KCNQ3: variants seen among roughly 807,000 people sequenced by gnomAD.
KCNQ3 encodes potassium voltage-gated channel subfamily Q member 3, also known as potassium voltage-gated channel subfamily KQT member 3.
KCNQ3 carries 30 observed loss-of-function variants against 92.5 expected under a neutral mutation model. The observed-to-expected ratio is 0.32, with a 90% CI of 0.24 to 0.44. KCNQ3 has a LOEUF of 0.44. KCNQ3 is among the 20% of genes least tolerant of loss of function. The probability of loss-of-function intolerance (pLI) is 1.00; values close to 1 mark genes in which losing one functional copy is unlikely to be tolerated. For missense variants in KCNQ3, 913 were observed against 1,140.3 expected (o/e 0.80, Z 2.87); for synonymous variants, 450 against 468.8 (o/e 0.96, Z 0.52).
At chr8:132,449,608 C>A (rs1182939665) in intron 1 of KCNQ3, among the ~76,000 whole-genome samples, 4 of 152,200 alleles carry the variant, frequency 2.6e-5, no homozygotes, top group East Asian at 1.9e-4. Context: ...ATTCACCCCC[C>A]ACACCATTGG....
intron 1 of KCNQ3, among the ~76,000 whole-genome samples, chr8:132,378,377 G>A (rs1819664483): frequency 6.6e-6 from 1 of 151,806 alleles, no homozygotes; most frequent in South Asian, 2.1e-4. Flanking sequence ...GGGTGACAGA[G>A]CAAGACTCTC....
rs904364748 is a variant in KCNQ3, at chr8:132,480,188, C to T, written c.345G>A (p.Leu115=). The change falls in exon 1 of 15, where the codon CTG becomes CTA. Residue 115 remains leucine (L), a synonymous_variant. Coordinates refer to ENST00000388996, the MANE Select transcript of KCNQ3 (RefSeq NM_004519.4). ...RRIQTLIYDA[L]ERPRGWALLY... ...GCAGCGCCCAGCCCCGCGGTCTCTC[C>T]AGGGCGTCGTAGATCAAAGTTTGGA... is the stretch of plus-strand genomic sequence containing the variant. The T allele has an allele frequency of 6.2e-7, 1 of 1,613,196 alleles. No homozygotes were observed. The highest frequency in any genetic ancestry group is 1.3e-5 in the African/African-American group (1 of 74,884).
At chr8:132,373,358 A>G (rs368160489) in intron 1 of KCNQ3, among the ~76,000 whole-genome samples, 6 of 152,302 alleles carry the variant, frequency 3.9e-5, no homozygotes, top group African/African-American at 1.4e-4. Context: ...TGAAAATTAC[A>G]TGAGGAGATG....
intron 8 of KCNQ3, among the ~76,000 whole-genome samples, chr8:132,168,820 A>G (rs1434392521): frequency 6.9e-6 from 1 of 143,932 alleles, no homozygotes; most frequent in Non-Finnish European, 1.5e-5. Context: ...AGAGCCCCCT[A>G]TCTAGTAGCA....
chr8:132,140,199 T>C, intron 10 of KCNQ3, 21 bp from the exon 11 acceptor site: 6 of 1,580,152 alleles, frequency 3.8e-6, no homozygotes, highest in Non-Finnish European at 4.3e-6. Flanking sequence ...GACACACATA[T>C]GAACGGCAGG....
intron 1 of KCNQ3, among the ~76,000 whole-genome samples, chr8:132,431,546 C>G (rs1290182946): frequency 2.6e-5 from 4 of 152,178 alleles, no homozygotes; most frequent in African/African-American, 9.7e-5. Context: ...AAGGCAGGGC[C>G]AGCCTCTTCT....
At position 132,444,002 on chromosome 8, in the gene KCNQ3, ATCAGAAACCCAAGAGGTACCGAGAGGT is replaced by A. The variant is rs1415187944; in HGVS notation, c.386+36118_386+36144del. Among the ~76,000 whole-genome samples the A allele has an allele frequency of 5.9e-5, 9 of 152,162 alleles. 1 individual carries two copies. Among genetic ancestry groups the A allele is most frequent in the Admixed American group, 5.9e-4 (9 of 15,270 alleles). ...CAGTTCATTGCCCCCTTTTCTTCTT[ATCAGAAACCCAAGAGGTACCGAGAGGT>A]TCAGAAACTTGCCCACAGTGACACA... On this transcript the variant is annotated intron_variant, in intron 1 of 14. Transcript: ENST00000388996.
intron 1 of KCNQ3, among the ~76,000 whole-genome samples, chr8:132,191,243 C>T (rs1366253782): frequency 6.6e-6 from 1 of 152,094 alleles, no homozygotes; most frequent in African/African-American, 2.4e-5. Flanking sequence ...AACTCCTGGG[C>T]TCAAGTGATC....
intron 1 of KCNQ3, among the ~76,000 whole-genome samples, chr8:132,457,787 T>G (rs1821975393): frequency 6.6e-6 from 1 of 152,220 alleles, no homozygotes; most frequent in Non-Finnish European, 1.5e-5. Flanking sequence ...CATTCTGCTA[T>G]CCTATGGTCA....
At chr8:132,233,580 A>G (rs779002201) in intron 1 of KCNQ3, among the ~76,000 whole-genome samples, 4 of 152,196 alleles carry the variant, frequency 2.6e-5, no homozygotes, top group Non-Finnish European at 5.9e-5. Context: ...AAAAGCATCA[A>G]TGGAAGTTTG....
intron 6 of KCNQ3, among the ~76,000 whole-genome samples, chr8:132,173,310 G>A (rs1437445141): frequency 6.6e-6 from 1 of 151,708 alleles, no homozygotes; most frequent in Non-Finnish European, 1.5e-5. Context: ...AGAAAACTGA[G>A]ATTTAAGAAG....
rs186376981 is a variant in KCNQ3 at position 132,162,520 on chromosome 8, C to T, written c.1262+948G>A. ...CCTTTCACTCTGCCTCTGGGAGCCACGAGCTGCTGAAGATTCTCTAGTGAA... is the reference window on the plus strand; with the variant it reads ...CCTTTCACTCTGCCTCTGGGAGCCATGAGCTGCTGAAGATTCTCTAGTGAA... On this transcript the variant is annotated intron_variant, in intron 9 of 14. Coordinates refer to ENST00000388996, the MANE Select transcript of KCNQ3 (RefSeq NM_004519.4). Among the ~76,000 whole-genome samples, 173 of 152,242 alleles carry T rather than the reference C, an allele frequency of 1.1e-3. 1 individual carries two copies. The highest frequency in any genetic ancestry group is 3.4e-3 in the Middle Eastern group (1 of 294).
At chr8:132,195,217 T>G (rs1288306828) in intron 1 of KCNQ3, among the ~76,000 whole-genome samples, 2 of 152,270 alleles carry the variant, frequency 1.3e-5, no homozygotes, top group Non-Finnish European at 2.9e-5. Context: ...CTATAAACCA[T>G]GTTGGCAAAT....
At position 132,137,887 on chromosome 8, in the gene KCNQ3, C is replaced by A; in HGVS notation, c.1698G>T (p.Thr566=). ...CCCTCCAGATGTGACTGTCTCACCT[C>A]GTCTGAAGGTACTTTATCCTGGAAA... is the stretch of plus-strand genomic sequence containing the variant. ...DMLSRIKYLQ[T]RIDMIFTPGP... The change falls in exon 12 of 15, where the codon ACG becomes ACT. Residue 566 remains threonine (T), a splice_region_variant and synonymous_variant. Coordinates refer to ENST00000388996, the MANE Select transcript of KCNQ3 (RefSeq NM_004519.4). 1 of 1,614,046 alleles carries A rather than the reference C, an allele frequency of 6.2e-7. No individual in the cohort carries two copies. The highest frequency in any genetic ancestry group is 8.5e-7 in the Non-Finnish European group (1 of 1,179,992).
intron 1 of KCNQ3, among the ~76,000 whole-genome samples, chr8:132,278,448 G>A (rs1163960594): frequency 6.6e-6 from 1 of 152,196 alleles, no homozygotes; most frequent in African/African-American, 2.4e-5. Context: ...ATGGGCTAGT[G>A]ATCCTTGGGC....
intron 1 of KCNQ3, among the ~76,000 whole-genome samples, chr8:132,277,074 T>TA (rs928334456): frequency 5.1e-4 from 75 of 148,106 alleles, no homozygotes; most frequent in East Asian, 3.0e-3. Context: ...CAATAATTTT[T>TA]AAAAAAAAAA....
chr8:132,402,850 T>C (rs938705434), intron 1 of KCNQ3, among the ~76,000 whole-genome samples: 26 of 151,732 alleles, frequency 1.7e-4, no homozygotes, highest in African/African-American at 6.3e-4. Flanking sequence ...ACCCCATTTC[T>C]ACTAAAATAC....
intron 1 of KCNQ3, among the ~76,000 whole-genome samples, chr8:132,458,442 T>G (rs1821992053): frequency 6.6e-6 from 1 of 152,192 alleles, no homozygotes; most frequent in Non-Finnish European, 1.5e-5. Context: ...ATAGACTTTA[T>G]TTTTTAGAAT....
At chr8:132,208,883 C>T (rs1813756918) in intron 1 of KCNQ3, among the ~76,000 whole-genome samples, 1 of 152,172 alleles carries the variant, frequency 6.6e-6, no homozygotes, top group Non-Finnish European at 1.5e-5. Flanking sequence ...TTCCATACGT[C>T]TCCCTCCTAA....
Sources: gnomAD v4.1 joint callset for allele counts (sites outside exome capture counted in the v4.1 genomes callset) on GRCh38, gnomAD v4.1.1 for gene constraint, MANE v1.5 for transcripts, NCBI Gene and HGNC (gene_info 2026-07-23, HGNC 2026-07-21) for gene names.